The following KCND2 variants were observed in gnomAD, a reference collection of about 807,000 sequenced individuals.
KCND2 encodes the protein potassium voltage-gated channel subfamily D member 2.
A neutral mutation model predicts 54.4 loss-of-function variants in KCND2; 16 were observed. The ratio of observed to expected loss-of-function variants is 0.29; its 90% CI spans 0.20 to 0.45. The LOEUF is 0.45. Ranked by LOEUF, KCND2 falls within the 20% of genes least tolerant of loss-of-function variation. The pLI is 1.00. For missense variants in KCND2, 486 were observed against 824.2 expected, an observed-to-expected ratio of 0.59 and a Z score of 5.02; for synonymous variants, 317 against 310.7, an observed-to-expected ratio of 1.02 and a Z score of -0.21.
rs1175171430 is a variant in KCND2, at chr7:120,704,343, G to GT, written c.1116-28551dup. Among the ~76,000 whole-genome samples the GT allele has an allele frequency of 4.4e-3, 666 of 151,334 alleles. 5 individuals are homozygous for GT. Among genetic ancestry groups the GT allele is most frequent in the African/African-American group, 0.015 (637 of 41,286 alleles). On this transcript the variant is annotated intron_variant, in intron 1 of 5. Transcript: ENST00000331113. ...TTATTCAGGATGGTAAAATTTTCAG[G>GT]TTTTTTTTTCTTACAGACTTAAATA...
At chr7:120,426,765 G>A (rs1283977128) in intron 1 of KCND2, among the ~76,000 whole-genome samples, 4 of 151,798 alleles carry the variant, frequency 2.6e-5, no homozygotes, top group East Asian at 1.9e-4. Context: ...GGGACTACAC[G>A]CGCCTGCCAC....
chr7:120,468,125 C>T (rs1375064032), intron 1 of KCND2, among the ~76,000 whole-genome samples: 1 of 152,008 alleles, frequency 6.6e-6, no homozygotes, highest in Non-Finnish European at 1.5e-5. Context: ...AGAATGCTTG[C>T]AGCTGGTTTA....
chr7:120,363,678 A>T (rs1800627335), intron 1 of KCND2, among the ~76,000 whole-genome samples: 1 of 152,028 alleles, frequency 6.6e-6, no homozygotes, highest in Non-Finnish European at 1.5e-5. Context: ...CCTAATTTTG[A>T]TCATGTATGT....
intron 1 of KCND2, among the ~76,000 whole-genome samples, chr7:120,535,483 T>C (rs944894034): frequency 6.6e-6 from 1 of 152,148 alleles, no homozygotes; most frequent in Admixed American, 6.6e-5. Flanking sequence ...GTAACATCAC[T>C]TAACTACAAA....
In KCND2 at chr7:120,273,423, C is replaced by G. The variant is rs1455344995; in HGVS notation, c.-1210C>G. On this transcript the variant is annotated 5_prime_UTR_variant, in exon 1 of 6. Transcript: ENST00000331113. ...GCCGCCCGCCCGGCCGCCCCGCAGC[C>G]CCGCCGCCCCGCAGCCCCGCACCGC... Among the ~76,000 whole-genome samples, 5 of 147,954 alleles carry G rather than the reference C, an allele frequency of 3.4e-5. No individual in the cohort carries two copies. Among genetic ancestry groups the G allele is most frequent in the Non-Finnish European group, 6.0e-5 (4 of 66,452 alleles).
At chr7:120,347,906 T>TGGTGAGGGACCTCTTCCA (rs1800344330) in intron 1 of KCND2, among the ~76,000 whole-genome samples, 1 of 152,168 alleles carries the variant, frequency 6.6e-6, no homozygotes, top group African/African-American at 2.4e-5. Context: ...GGTGCCAGCA[T>TGGTGAGGGACCTCTTCCA]GGTGAGGGAC....
chr7:120,588,782 A>G (rs1792633359), intron 1 of KCND2, among the ~76,000 whole-genome samples: 1 of 152,162 alleles, frequency 6.6e-6, no homozygotes, highest in African/African-American at 2.4e-5. Flanking sequence ...GGACTGAATT[A>G]ATTTTATTCC....
intron 1 of KCND2, among the ~76,000 whole-genome samples, chr7:120,544,253 CAGAA>C (rs1168324973): frequency 2.6e-5 from 4 of 151,782 alleles, no homozygotes; most frequent in African/African-American, 7.3e-5. Context: ...GGAAGCAAGA[CAGAA>C]AGGTAATTAC....
intron 1 of KCND2, among the ~76,000 whole-genome samples, chr7:120,619,578 T>G (rs1793072413): frequency 6.6e-6 from 1 of 152,240 alleles, no homozygotes; most frequent in African/African-American, 2.4e-5. Flanking sequence ...ATTCTATTTA[T>G]GCTACTTCAG....
At chr7:120,568,000 C>T (rs1792318715) in intron 1 of KCND2, among the ~76,000 whole-genome samples, 1 of 151,978 alleles carries the variant, frequency 6.6e-6, no homozygotes, top group Admixed American at 6.6e-5. Context: ...TTTAGCACTT[C>T]CTTATGTGTG....
At chr7:120,697,716 A>G (rs1469617935) in intron 1 of KCND2, among the ~76,000 whole-genome samples, 2 of 152,242 alleles carry the variant, frequency 1.3e-5, no homozygotes, top group African/African-American at 4.8e-5. Context: ...GCTAAGAACA[A>G]TTAGCAAAGC....
At chr7:120,548,984 C>T (rs997247200) in intron 1 of KCND2, among the ~76,000 whole-genome samples, 2 of 152,042 alleles carry the variant, frequency 1.3e-5, no homozygotes, top group African/African-American at 2.4e-5. Context: ...TTCTGTTTGG[C>T]TCTAGCATTT....
At position 120,274,394 on chromosome 7, in the gene KCND2, G is replaced by A. The variant is rs1799140706; in HGVS notation, c.-239G>A. ...AGAGATTTGGCTGGGTTCTGTTGAG[G>A]GTGATTGTTAGGACGTTGTATTTTG... On this transcript the variant is annotated 5_prime_UTR_variant, in exon 1 of 6. Transcript: ENST00000331113. 1 of 600,646 alleles carries A rather than the reference G, an allele frequency of 1.7e-6. No individual in the cohort carries two copies. The highest frequency in any genetic ancestry group is 3.0e-6 in the Non-Finnish European group (1 of 336,160). The allele number at this position is 600,646 out of a possible 1,614,324, so 37.2% of individuals were successfully genotyped here. A position where few individuals can be genotyped will look rare whatever the true frequency, so the allele number is the denominator to read the frequency against.
intron 1 of KCND2, among the ~76,000 whole-genome samples, chr7:120,374,434 C>T (rs1035588209): frequency 2.0e-5 from 3 of 151,594 alleles, no homozygotes; most frequent in East Asian, 1.9e-4. Context: ...AAAGTGGATT[C>T]GAACTAGGGT....
chr7:120,322,271 G>A (rs544918790), intron 1 of KCND2, among the ~76,000 whole-genome samples: 4 of 152,020 alleles, frequency 2.6e-5, no homozygotes, highest in African/African-American at 7.2e-5. Flanking sequence ...GATTTAATAG[G>A]CATATAACAT....
intron 1 of KCND2, among the ~76,000 whole-genome samples, chr7:120,461,654 G>T (rs1208432549): frequency 2.0e-5 from 3 of 152,066 alleles, no homozygotes; most frequent in African/African-American, 7.2e-5. Flanking sequence ...TTTCTAAGAG[G>T]TTCAGGCTGC....
chr7:120,372,907 C>T (rs1800783933), intron 1 of KCND2, among the ~76,000 whole-genome samples: 1 of 151,862 alleles, frequency 6.6e-6, no homozygotes, highest in South Asian at 2.1e-4. Flanking sequence ...CTTTATGAAT[C>T]TGGACTTTTT....
intron 1 of KCND2, among the ~76,000 whole-genome samples, chr7:120,631,388 T>C (rs907719903): frequency 2.0e-5 from 3 of 152,078 alleles, no homozygotes; most frequent in African/African-American, 7.2e-5. Flanking sequence ...TTAAAAATAA[T>C]AAGTTTAAAA....
At chr7:120,329,011 TC>T (rs1800022874) in intron 1 of KCND2, among the ~76,000 whole-genome samples, 2 of 152,130 alleles carry the variant, frequency 1.3e-5, no homozygotes, top group African/African-American at 4.8e-5. Context: ...AGTTTTAAAT[TC>T]TCTTAATCTA....
Sources: gnomAD v4.1 joint callset for allele counts (sites outside exome capture counted in the v4.1 genomes callset) on GRCh38, gnomAD v4.1.1 for gene constraint, MANE v1.5 for transcripts, NCBI Gene and HGNC (gene_info 2026-07-23, HGNC 2026-07-21) for gene names.